Variants in CNIH3 observed in about 807,000 individuals in gnomAD.
CNIH3 encodes the protein cornichon family AMPA receptor auxiliary protein 3.
CNIH3 carries 14 observed loss-of-function variants against 24.1 expected under a neutral mutation model. That is an observed-to-expected ratio of 0.58 (90% CI 0.38 to 0.91). The LOEUF is 0.91. Ranked by LOEUF, CNIH3 falls within the 40% of genes least tolerant of loss-of-function variation. The probability of loss-of-function intolerance (pLI) is 0.00; values close to 1 mark genes in which losing one functional copy is unlikely to be tolerated. For missense variants in CNIH3, 178 were observed against 196.8 expected, an observed-to-expected ratio of 0.90 and a Z score of 0.57; for synonymous variants, 68 against 73.8, an observed-to-expected ratio of 0.92 and a Z score of 0.40.
chr1:224,669,970 A>T (rs778668961), intron 1 of CNIH3, among the ~76,000 whole-genome samples: 5 of 151,934 alleles, frequency 3.3e-5, no homozygotes, highest in Non-Finnish European at 5.9e-5. Context: ...CACACCCAAC[A>T]GTCTTCATTT....
intron 4 of CNIH3, among the ~76,000 whole-genome samples, chr1:224,569,846 C>G (rs1224915373): frequency 1.3e-5 from 2 of 151,916 alleles, no homozygotes; most frequent in Non-Finnish European, 2.9e-5. Flanking sequence ...TGCAATGGCG[C>G]GATCTCAGCT....
At chr1:224,650,728 T>C (rs1312632933) in intron 1 of CNIH3, among the ~76,000 whole-genome samples, 3 of 152,206 alleles carry the variant, frequency 2.0e-5, no homozygotes. Context: ...ATAGAGGCTT[T>C]ATAAACTCTC....
At chr1:224,579,060 C>T (rs969027) in intron 4 of CNIH3, among the ~76,000 whole-genome samples, 98,495 of 147,550 alleles carry the variant, frequency 0.67, 33,841 homozygotes, top group East Asian at 0.98. Context: ...GATCATGTTT[C>T]TTTTTTCTTT....
At chr1:224,444,142 A>C (rs1675045165) in intron 1 of CNIH3, among the ~76,000 whole-genome samples, 1 of 152,076 alleles carries the variant, frequency 6.6e-6, no homozygotes, top group South Asian at 2.1e-4. Flanking sequence ...GATATTATTT[A>C]TTTATAATAT....
chr1:224,481,392 A>C (rs1676805845), intron 1 of CNIH3, among the ~76,000 whole-genome samples: 1 of 152,180 alleles, frequency 6.6e-6, no homozygotes. Flanking sequence ...CTTCTTGGAA[A>C]GGCTTTCCAG....
At chr1:224,437,769 A>G (rs998300619) in intron 1 of CNIH3, among the ~76,000 whole-genome samples, 3 of 152,222 alleles carry the variant, frequency 2.0e-5, no homozygotes, top group East Asian at 1.9e-4. Flanking sequence ...ATGCTTTACA[A>G]AGTAAAATAT....
At chr1:224,649,032 T>A (rs1684747949) in intron 1 of CNIH3, among the ~76,000 whole-genome samples, 1 of 152,222 alleles carries the variant, frequency 6.6e-6, no homozygotes, top group Non-Finnish European at 1.5e-5. Flanking sequence ...GGCTCCTTCC[T>A]TATTTATGGG....
At chr1:224,651,661 AGTTAATCG>A (rs1684864723) in intron 1 of CNIH3, among the ~76,000 whole-genome samples, 1 of 152,064 alleles carries the variant, frequency 6.6e-6, no homozygotes, top group South Asian at 2.1e-4. Context: ...AGTCCCTCTG[AGTTAATCG>A]GTAAAGGTCT....
intron 2 of CNIH3, among the ~76,000 whole-genome samples, chr1:224,533,823 A>C (rs1679176076): frequency 6.6e-6 from 1 of 152,220 alleles, no homozygotes; most frequent in South Asian, 2.1e-4. Flanking sequence ...CCCATTTCCA[A>C]ATAAGGTCAC....
At chr1:224,676,516 G>A (rs1280565593) in intron 1 of CNIH3, among the ~76,000 whole-genome samples, 2 of 152,122 alleles carry the variant, frequency 1.3e-5, no homozygotes, top group African/African-American at 4.8e-5. Context: ...TTTTTAAAAC[G>A]GGTGAGATAT....
At chr1:224,671,285 C>A (rs115909593) in intron 1 of CNIH3, among the ~76,000 whole-genome samples, 1 of 152,234 alleles carries the variant, frequency 6.6e-6, no homozygotes, top group Non-Finnish European at 1.5e-5. Context: ...GCCTCTCCAA[C>A]CAGAGGCTCT....
At chr1:224,706,394 G>T (rs1222935463) in intron 3 of CNIH3, among the ~76,000 whole-genome samples, 1 of 152,094 alleles carries the variant, frequency 6.6e-6, no homozygotes, top group African/African-American at 2.4e-5. Context: ...TAGCATCCTC[G>T]CCTGTTCCGG....
At chr1:224,557,105 G>A (rs948240583) in intron 3 of CNIH3, among the ~76,000 whole-genome samples, 4 of 152,116 alleles carry the variant, frequency 2.6e-5, no homozygotes, top group East Asian at 3.9e-4. Context: ...GTACTGGTGC[G>A]ATCACAGCTC....
At chr1:224,579,288 G>A (rs1217698695) in intron 4 of CNIH3, among the ~76,000 whole-genome samples, 3 of 152,014 alleles carry the variant, frequency 2.0e-5, no homozygotes, top group East Asian at 1.9e-4. Flanking sequence ...TCATTGTAAA[G>A]GTTTTCCTCA....
intron 4 of CNIH3, among the ~76,000 whole-genome samples, chr1:224,576,124 A>G (rs1055308443): frequency 6.6e-6 from 1 of 152,208 alleles, no homozygotes; most frequent in Admixed American, 6.5e-5. Context: ...CTGCTTAGGA[A>G]TGAATCAATT....
chr1:224,444,204 A>T (rs926607823), intron 1 of CNIH3, among the ~76,000 whole-genome samples: 1 of 152,106 alleles, frequency 6.6e-6, no homozygotes, highest in African/African-American at 2.4e-5. Flanking sequence ...TCCTTTTGAA[A>T]ATATTGCCTT....
chr1:224,491,623 T>C (rs920653948), intron 1 of CNIH3, among the ~76,000 whole-genome samples: 9 of 152,116 alleles, frequency 5.9e-5, no homozygotes, highest in Non-Finnish European at 1.3e-4. Flanking sequence ...TTATTTTTTT[T>C]GAGACAGAGT....
At chr1:224,582,443 G>A (rs1159724746) in intron 4 of CNIH3, among the ~76,000 whole-genome samples, 1 of 151,842 alleles carries the variant, frequency 6.6e-6, no homozygotes. Context: ...CCTCCCTAAT[G>A]TAGCTACCAG....
chr1:224,564,710 G>A (rs1011333101), intron 3 of CNIH3, among the ~76,000 whole-genome samples: 4 of 152,262 alleles, frequency 2.6e-5, no homozygotes, highest in African/African-American at 9.6e-5. Context: ...CTTCTGAGCA[G>A]CAGATGGCAG....
Sources: allele counts gnomAD v4.1 joint callset (sites outside exome capture counted in the v4.1 genomes callset), GRCh38; gene constraint gnomAD v4.1.1; transcripts MANE v1.5; gene names NCBI Gene and HGNC (gene_info 2026-07-23, HGNC 2026-07-21).